ZFYVE28: variants seen among roughly 807,000 people sequenced by gnomAD.
ZFYVE28 encodes lateral signaling target protein 2 homolog.
In ZFYVE28, 40 loss-of-function variants were observed where a neutral mutation model predicts 82.1. The observed-to-expected ratio is 0.49, with a 90% CI of 0.38 to 0.63. The LOEUF (loss-of-function observed/expected upper bound fraction) is 0.63, where lower values mean the gene tolerates loss of function less well. ZFYVE28 is among the 30% of genes least tolerant of loss of function. The pLI is 0.00. For missense variants in ZFYVE28, 1,321 were observed against 1,242.1 expected, an observed-to-expected ratio of 1.06 and a Z score of -0.96; for synonymous variants, 612 against 546.1, an observed-to-expected ratio of 1.12 and a Z score of -1.68.
chr4:2,364,504 T>C, intron 1 of ZFYVE28: 1 of 985,420 alleles, frequency 1.0e-6, no homozygotes, highest in Non-Finnish European at 1.2e-6. Flanking sequence ...TGGCTGTGCC[T>C]GTTTAGAGGA....
chr4:2,278,798 GA>G (rs1711528832), intron 8 of ZFYVE28, among the ~76,000 whole-genome samples: 1 of 150,816 alleles, frequency 6.6e-6, no homozygotes, highest in African/African-American at 2.4e-5. Context: ...GATTTGAATA[GA>G]CATTTTTCCA....
intron 1 of ZFYVE28, among the ~76,000 whole-genome samples, chr4:2,407,354 G>A (rs1234486856): frequency 1.3e-5 from 2 of 152,068 alleles, no homozygotes; most frequent in African/African-American, 4.8e-5. Context: ...AGTCCTCCAG[G>A]CCTCCAGTAT....
chr4:2,407,057 G>A (rs1356023265), intron 1 of ZFYVE28, among the ~76,000 whole-genome samples: 3 of 152,062 alleles, frequency 2.0e-5, no homozygotes, highest in South Asian at 4.2e-4. Flanking sequence ...CCAGGAGCAC[G>A]GATGCTCACG....
intron 6 of ZFYVE28, among the ~76,000 whole-genome samples, chr4:2,327,280 AT>A (rs1720007107): frequency 1.7e-5 from 1 of 58,002 alleles, no homozygotes; most frequent in African/African-American, 7.5e-5. Flanking sequence ...ATATATATAT[AT>A]ATATATATAT....
intron 6 of ZFYVE28, chr4:2,330,260 G>A (rs1720460993): frequency 1.0e-6 from 1 of 988,232 alleles, no homozygotes; most frequent in South Asian, 4.6e-5. Flanking sequence ...GAGTCATAGG[G>A]TAATGAATTT....
intron 1 of ZFYVE28, among the ~76,000 whole-genome samples, chr4:2,402,319 A>G (rs529012181): frequency 6.6e-6 from 1 of 152,116 alleles, no homozygotes; most frequent in African/African-American, 2.4e-5. Context: ...TAAGTCGGCC[A>G]GGCAAGCCGG....
chr4:2,284,606 C>A (rs1454225559), intron 8 of ZFYVE28, among the ~76,000 whole-genome samples: 3 of 152,348 alleles, frequency 2.0e-5, no homozygotes, highest in African/African-American at 7.2e-5. Flanking sequence ...GACAATCCCA[C>A]AGTCCTGGAC....
intron 1 of ZFYVE28, among the ~76,000 whole-genome samples, chr4:2,390,535 G>T (rs374643687): frequency 3.9e-5 from 6 of 152,176 alleles, no homozygotes; most frequent in African/African-American, 1.4e-4. Context: ...GACAGAAGCT[G>T]GAGAAGCCAT....
intron 2 of ZFYVE28, among the ~76,000 whole-genome samples, chr4:2,352,672 G>A (rs1360405113): frequency 1.3e-5 from 2 of 152,062 alleles, no homozygotes; most frequent in African/African-American, 4.8e-5. Context: ...CAGTTCTCAC[G>A]GTGATACATC....
chr4:2,292,541 A>C (rs896028093), intron 8 of ZFYVE28, among the ~76,000 whole-genome samples: 3 of 152,192 alleles, frequency 2.0e-5, no homozygotes, highest in African/African-American at 7.2e-5. Flanking sequence ...AGTGCCTCTG[A>C]GGGGACGTCA....
intron 9 of ZFYVE28, 78 bp downstream of exon 9, chr4:2,273,984 A>G: frequency 2.6e-6 from 4 of 1,519,186 alleles, no homozygotes; most frequent in African/African-American, 2.7e-5. Context: ...GAGGTTGTAC[A>G]CGCCCCGCCT....
intron 1 of ZFYVE28, among the ~76,000 whole-genome samples, chr4:2,382,356 G>C (rs1443516885): frequency 6.6e-6 from 1 of 152,212 alleles, no homozygotes; most frequent in African/African-American, 2.4e-5. Flanking sequence ...GACACTCAAT[G>C]CCAGCCTGTG....
At chr4:2,307,841 A>T (rs868463504) in intron 7 of ZFYVE28, among the ~76,000 whole-genome samples, 2 of 152,032 alleles carry the variant, frequency 1.3e-5, no homozygotes, top group African/African-American at 4.8e-5. Flanking sequence ...TCTGGAGTTG[A>T]TTTTTGTGTA....
chr4:2,360,432 C>T (rs1200903336), intron 1 of ZFYVE28, among the ~76,000 whole-genome samples: 1 of 146,982 alleles, frequency 6.8e-6, no homozygotes, highest in African/African-American at 2.5e-5. Flanking sequence ...CACACAGGCA[C>T]GCACGCACAC....
chr4:2,373,783 G>A (rs576269550), intron 1 of ZFYVE28, among the ~76,000 whole-genome samples: 2 of 152,308 alleles, frequency 1.3e-5, no homozygotes, highest in South Asian at 2.1e-4. Context: ...GATGTGAGCA[G>A]CATACCACAC....
chr4:2,376,992 T>C (rs1249530810), intron 1 of ZFYVE28, among the ~76,000 whole-genome samples: 1 of 152,120 alleles, frequency 6.6e-6, no homozygotes, highest in Non-Finnish European at 1.5e-5. Context: ...TCACATCCTA[T>C]TTCTATTGGA....
At chr4:2,319,688 C>T (rs1390304104) in intron 7 of ZFYVE28, among the ~76,000 whole-genome samples, 3 of 152,146 alleles carry the variant, frequency 2.0e-5, no homozygotes, top group East Asian at 1.9e-4. Flanking sequence ...GAAGGAAAGG[C>T]GTCGTGTTTT....
At chr4:2,382,145 G>T (rs1728788031) in intron 1 of ZFYVE28, among the ~76,000 whole-genome samples, 1 of 152,264 alleles carries the variant, frequency 6.6e-6, no homozygotes, top group South Asian at 2.1e-4. Flanking sequence ...GGATCCCCAG[G>T]CAGAAGTTTG....
At chr4:2,406,137 C>T (rs1209036461) in intron 1 of ZFYVE28, among the ~76,000 whole-genome samples, 13 of 151,548 alleles carry the variant, frequency 8.6e-5, no homozygotes, top group Middle Eastern at 3.4e-3. Context: ...TTTGGGAGGC[C>T]GAGGCAGGTG....
Sources: allele counts gnomAD v4.1 joint callset (sites outside exome capture counted in the v4.1 genomes callset), GRCh38; gene constraint gnomAD v4.1.1; transcripts MANE v1.5; gene names NCBI Gene and HGNC (gene_info 2026-07-23, HGNC 2026-07-21).